ELMOD1: variants seen among roughly 807,000 people sequenced by gnomAD.
ELMOD1 encodes the protein ELMO domain containing 1, also known as ELMO domain-containing protein 1.
ELMOD1 carries 21 observed loss-of-function variants against 46.7 expected under a neutral mutation model. That is an observed-to-expected ratio of 0.45 (90% CI 0.32 to 0.65). The LOEUF (loss-of-function observed/expected upper bound fraction) is 0.65, where lower values mean the gene tolerates loss of function less well. Among genes scored for constraint, ELMOD1 ranks in the 30% least tolerant of loss-of-function variants. The probability of loss-of-function intolerance (pLI) is 0.04; values close to 1 mark genes in which losing one functional copy is unlikely to be tolerated. For synonymous variants in ELMOD1, 122 were observed against 138.2 expected (o/e 0.88, Z 0.82); for missense variants, 348 against 407.8 (o/e 0.85, Z 1.26).
At chr11:107,610,808 T>G (rs1865764305) in intron 1 of ELMOD1, among the ~76,000 whole-genome samples, 1 of 151,968 alleles carries the variant, frequency 6.6e-6, no homozygotes, top group African/African-American at 2.4e-5. Context: ...ATTGTTAGAA[T>G]GCTATGCAGA....
chr11:107,617,278 T>C (rs1381611281), intron 1 of ELMOD1, among the ~76,000 whole-genome samples: 1 of 152,250 alleles, frequency 6.6e-6, no homozygotes, highest in Non-Finnish European at 1.5e-5. Flanking sequence ...GTTGGCAATG[T>C]GTCTCTGCCC....
intron 1 of ELMOD1, among the ~76,000 whole-genome samples, chr11:107,605,444 G>T (rs1407850182): frequency 6.6e-6 from 1 of 152,038 alleles, no homozygotes; most frequent in Non-Finnish European, 1.5e-5. Context: ...CAAGTGATCC[G>T]CCCACCTCAG....
intron 1 of ELMOD1, among the ~76,000 whole-genome samples, chr11:107,611,011 A>G (rs1357487107): frequency 6.6e-6 from 1 of 151,080 alleles, no homozygotes; most frequent in Non-Finnish European, 1.5e-5. Flanking sequence ...AAAAAAAAAA[A>G]AAAAAAGAAA....
At chr11:107,654,321 C>A in intron 10 of ELMOD1, 99 bp downstream of exon 10, 2 of 1,028,220 alleles carry the variant, frequency 1.9e-6, no homozygotes, top group South Asian at 1.5e-5. Flanking sequence ...TCTACTTGTC[C>A]TAATAGAAAT....
In ELMOD1 at chr11:107,665,299, G is replaced by T. The variant is rs1050219406; in HGVS notation, c.*102G>T. The T allele has an allele frequency of 8.5e-7, 1 of 1,170,156 alleles. No homozygotes were observed. Among genetic ancestry groups the T allele is most frequent in the African/African-American group, 1.5e-5 (1 of 65,466 alleles). The allele number at this position is 1,170,156 out of a possible 1,614,324, so 72.5% of individuals were successfully genotyped here. A position where few individuals can be genotyped will look rare whatever the true frequency, so the allele number is the denominator to read the frequency against. On this transcript the variant is annotated 3_prime_UTR_variant, in exon 12 of 12. Transcript: ENST00000265840. ...CACGCATTGAATGCACACAGTGATT[G>T]TATGCATGCCTTTTGGTACAGTGTT...
intron 1 of ELMOD1, among the ~76,000 whole-genome samples, chr11:107,594,242 A>G (rs1403336963): frequency 6.6e-6 from 1 of 151,954 alleles, no homozygotes; most frequent in Non-Finnish European, 1.5e-5. Flanking sequence ...GGCCTTGAAT[A>G]AGAGAGCGAG....
chr11:107,645,489 A>C (rs181188257), intron 6 of ELMOD1, among the ~76,000 whole-genome samples: 1 of 151,994 alleles, frequency 6.6e-6, no homozygotes, highest in East Asian at 1.9e-4. Flanking sequence ...ACGCCCGGCT[A>C]ATTTTTTGTA....
chr11:107,603,240 A>C (rs1037085116), intron 1 of ELMOD1, among the ~76,000 whole-genome samples: 14 of 152,230 alleles, frequency 9.2e-5, no homozygotes, highest in African/African-American at 3.4e-4. Context: ...AACTACTCCT[A>C]TGAAAACTTT....
At chr11:107,596,577 G>A (rs913347854) in intron 1 of ELMOD1, among the ~76,000 whole-genome samples, 2 of 152,018 alleles carry the variant, frequency 1.3e-5, no homozygotes, top group African/African-American at 4.8e-5. Flanking sequence ...ATTGCTTTTA[G>A]TTGAGAAGCT....
chr11:107,655,436 T>C (rs2135713883), intron 10 of ELMOD1, among the ~76,000 whole-genome samples: 1 of 152,216 alleles, frequency 6.6e-6, no homozygotes, highest in African/African-American at 2.4e-5. Context: ...AACTACCAAT[T>C]CTCGTGATAC....
intron 11 of ELMOD1, among the ~76,000 whole-genome samples, chr11:107,664,638 TC>T (rs955961422): frequency 1.3e-5 from 2 of 152,164 alleles, no homozygotes; most frequent in African/African-American, 4.8e-5. Flanking sequence ...GAGAATAAAG[TC>T]CGAGTGGAGT....
rs529088636 is a variant in ELMOD1, at chr11:107,665,304, C to G, written c.*107C>G. 5.3e-6 allele frequency: 6 copies of G among 1,142,774 alleles called. No homozygotes were observed. In the African/African-American group the frequency reaches 9.2e-5, roughly 18 times the overall value. The allele number at this position is 1,142,774 out of a possible 1,614,324, so 70.8% of individuals were successfully genotyped here. ...ATTGAATGCACACAGTGATTGTATG[C>G]ATGCCTTTTGGTACAGTGTTTTCAT... On this transcript the variant is annotated 3_prime_UTR_variant, in exon 12 of 12. Transcript: ENST00000265840.
chr11:107,613,993 C>G (rs1215643387), intron 1 of ELMOD1, among the ~76,000 whole-genome samples: 1 of 152,120 alleles, frequency 6.6e-6, no homozygotes, highest in African/African-American at 2.4e-5. Context: ...TTCCAAAGAC[C>G]TTTTTATACC....
At chr11:107,615,311 C>T (rs1408401422) in intron 1 of ELMOD1, among the ~76,000 whole-genome samples, 2 of 141,456 alleles carry the variant, frequency 1.4e-5, no homozygotes, top group Admixed American at 7.9e-5. Flanking sequence ...TCTCGGCTCA[C>T]TGCAACCTCT....
At chr11:107,664,936 A>G (rs1866815459) in intron 11 of ELMOD1, 89 bp from the exon 12 acceptor site, 4 of 1,275,386 alleles carry the variant, frequency 3.1e-6, no homozygotes, top group African/African-American at 1.5e-5. Flanking sequence ...GGCTTGGTTC[A>G]GCATCTTCCT....
chr11:107,624,880 T>C (rs1385804871), intron 2 of ELMOD1, among the ~76,000 whole-genome samples: 2 of 152,186 alleles, frequency 1.3e-5, no homozygotes, highest in African/African-American at 2.4e-5. Context: ...TTGAATAACA[T>C]TGATCTATGA....
intron 2 of ELMOD1, among the ~76,000 whole-genome samples, chr11:107,628,804 GTACT>G (rs1457497095): frequency 4.0e-5 from 6 of 151,380 alleles, no homozygotes; most frequent in African/African-American, 1.5e-4. Context: ...TTATAAAAAT[GTACT>G]TAATCAAAAA....
chr11:107,649,611 A>T (rs1866490914), intron 7 of ELMOD1, among the ~76,000 whole-genome samples: 1 of 152,226 alleles, frequency 6.6e-6, no homozygotes, highest in Admixed American at 6.5e-5. Context: ...AACAACTGTG[A>T]ATATGTGCAT....
Position 107,599,071 on chromosome 11 carries a change from G to C in ELMOD1, c.-86+7662G>C, listed in dbSNP as rs190714228. On this transcript the variant is annotated intron_variant, in intron 1 of 11. Transcript: ENST00000265840. ...TTGGCCAGAAGGAAAGACATACAAA[G>C]CTGGTATTTTCGAACTAGTGCTATG... Among the ~76,000 whole-genome samples the C allele has an allele frequency of 2.6e-5, 4 of 152,318 alleles. No individual in the cohort carries two copies. In the East Asian group the frequency reaches 7.7e-4, roughly 29 times the overall value.
Sources: allele counts gnomAD v4.1 joint callset (sites outside exome capture counted in the v4.1 genomes callset), GRCh38; gene constraint gnomAD v4.1.1; transcripts MANE v1.5; gene names NCBI Gene and HGNC (gene_info 2026-07-23, HGNC 2026-07-21).